The following TMEM132D variants were observed in gnomAD, a reference collection of about 807,000 sequenced individuals.
TMEM132D encodes mature OL transmembrane protein.
In TMEM132D, 21 loss-of-function variants were observed where a neutral mutation model predicts 62.3. The observed-to-expected ratio is 0.34, with a 90% CI of 0.24 to 0.49. The LOEUF (loss-of-function observed/expected upper bound fraction) is 0.49, where lower values mean the gene tolerates loss of function less well. Ranked by LOEUF, TMEM132D falls within the 20% of genes least tolerant of loss-of-function variation. The pLI, the probability that TMEM132D is intolerant of heterozygous loss-of-function variation, is 0.99. For missense variants in TMEM132D, 1,346 were observed against 1,402.8 expected (o/e 0.96, Z 0.65); for synonymous variants, 621 against 575.6 (o/e 1.08, Z -1.13).
chr12:129,242,057 G>A (rs1225759673), intron 4 of TMEM132D, among the ~76,000 whole-genome samples: 2 of 152,184 alleles, frequency 1.3e-5, no homozygotes, highest in African/African-American at 4.8e-5. Flanking sequence ...GGGGCACTTA[G>A]TGGCATTCAT....
chr12:129,517,679 C>T (rs998759808), intron 3 of TMEM132D, among the ~76,000 whole-genome samples: 2 of 152,180 alleles, frequency 1.3e-5, no homozygotes, highest in Non-Finnish European at 2.9e-5. Flanking sequence ...CTTCCCCATG[C>T]AAAATTCAAT....
intron 4 of TMEM132D, among the ~76,000 whole-genome samples, chr12:129,283,145 G>A (rs1373270412): frequency 2.6e-5 from 4 of 152,104 alleles, no homozygotes; most frequent in Non-Finnish European, 5.9e-5. Flanking sequence ...GGGCATTCAG[G>A]AATCAAATAA....
chr12:129,792,968 G>T (rs1282928323), intron 1 of TMEM132D, among the ~76,000 whole-genome samples: 1 of 152,136 alleles, frequency 6.6e-6, no homozygotes, highest in African/African-American at 2.4e-5. Context: ...TTCTTTCTGG[G>T]ATGATACAGA....
At chr12:129,182,289 G>A (rs746274723) in intron 5 of TMEM132D, among the ~76,000 whole-genome samples, 28 of 152,312 alleles carry the variant, frequency 1.8e-4, no homozygotes, top group African/African-American at 6.5e-4. Context: ...GCTTGACCCT[G>A]GGAGGCAGTG....
chr12:129,301,131 A>G (rs1881704134), intron 4 of TMEM132D, among the ~76,000 whole-genome samples: 1 of 152,104 alleles, frequency 6.6e-6, no homozygotes, highest in African/African-American at 2.4e-5. Context: ...TATTTAGTCT[A>G]TCACTGTCCC....
chr12:129,893,070 T>C (rs1874981274), intron 1 of TMEM132D, among the ~76,000 whole-genome samples: 1 of 151,738 alleles, frequency 6.6e-6, no homozygotes. Context: ...AGAGACAGGG[T>C]TTCATCATGT....
chr12:129,821,451 G>A (rs1872539713), intron 1 of TMEM132D, among the ~76,000 whole-genome samples: 1 of 152,098 alleles, frequency 6.6e-6, no homozygotes, highest in South Asian at 2.1e-4. Flanking sequence ...CAGGCCAATG[G>A]AACTACTTTG....
At chr12:129,711,434 G>A (rs1468902809) in intron 1 of TMEM132D, among the ~76,000 whole-genome samples, 1 of 152,120 alleles carries the variant, frequency 6.6e-6, no homozygotes, top group Non-Finnish European at 1.5e-5. Flanking sequence ...TTTAAACATG[G>A]GATTATATAG....
chr12:129,642,920 C>CTTTTTTTT lies in TMEM132D; in HGVS notation c.968+56882_968+56889dup, dbSNP rs71082742. Among the ~76,000 whole-genome samples, 4 of 105,558 alleles carry CTTTTTTTT rather than the reference C, an allele frequency of 3.8e-5. 1 individual carries two copies. The highest frequency in any genetic ancestry group is 3.0e-4 in the East Asian group (1 of 3,352). 69.3% of individuals were successfully genotyped at this position (105,558 alleles called of 152,430 possible). On this transcript the variant is annotated intron_variant, in intron 2 of 8. Coordinates refer to ENST00000422113, the MANE Select transcript of TMEM132D (RefSeq NM_133448.3). ...AGACACAACCAAAGAATTTACAAATCTTTTTTTTTTTTTTTTTTTTTGAGA... is the reference window on the plus strand; with the variant it reads ...AGACACAACCAAAGAATTTACAAATCTTTTTTTTTTTTTTTTTTTTTTTTTTTTTGAGA...
chr12:129,596,665 T>C (rs939712853), intron 2 of TMEM132D, among the ~76,000 whole-genome samples: 1 of 152,226 alleles, frequency 6.6e-6, no homozygotes, highest in Non-Finnish European at 1.5e-5. Flanking sequence ...TTATATTGTA[T>C]AGTTTAGAGA....
At chr12:129,123,277 T>C (rs1447189484) in intron 5 of TMEM132D, among the ~76,000 whole-genome samples, 1 of 152,242 alleles carries the variant, frequency 6.6e-6, no homozygotes, top group Non-Finnish European at 1.5e-5. Context: ...ATATTTTATA[T>C]ATTTTATGAT....
At chr12:129,243,324 A>G (rs1315952257) in intron 4 of TMEM132D, among the ~76,000 whole-genome samples, 1 of 152,190 alleles carries the variant, frequency 6.6e-6, no homozygotes, top group Non-Finnish European at 1.5e-5. Context: ...GTTTGTATCC[A>G]TGAGAATCAG....
chr12:129,843,398 C>T (rs933638218), intron 1 of TMEM132D, among the ~76,000 whole-genome samples: 1 of 152,114 alleles, frequency 6.6e-6, no homozygotes, highest in African/African-American at 2.4e-5. Flanking sequence ...ATTTATGACA[C>T]GATTCCACCC....
At chr12:129,339,013 G>C (rs1869381088) in intron 3 of TMEM132D, among the ~76,000 whole-genome samples, 2 of 152,078 alleles carry the variant, frequency 1.3e-5, no homozygotes, top group Admixed American at 1.3e-4. Flanking sequence ...AATGGAAGGA[G>C]AGAGAGAAGT....
intron 3 of TMEM132D, among the ~76,000 whole-genome samples, chr12:129,358,279 A>G (rs1307093533): frequency 1.3e-5 from 2 of 151,550 alleles, no homozygotes; most frequent in African/African-American, 2.4e-5. Context: ...TCAATCGTTC[A>G]GTCATTCCAA....
intron 4 of TMEM132D, among the ~76,000 whole-genome samples, chr12:129,225,475 G>C (rs967139068): frequency 6.6e-6 from 1 of 152,118 alleles, no homozygotes; most frequent in African/African-American, 2.4e-5. Flanking sequence ...CTTTGGACTC[G>C]GGTGGCCTGT....
At chr12:129,370,647 G>C (rs1870568829) in intron 3 of TMEM132D, among the ~76,000 whole-genome samples, 1 of 152,162 alleles carries the variant, frequency 6.6e-6, no homozygotes, top group African/African-American at 2.4e-5. Flanking sequence ...TTCATTAATG[G>C]ATAAATGGAT....
chr12:129,455,405 C>T (rs1171466566), intron 3 of TMEM132D, among the ~76,000 whole-genome samples: 2 of 152,070 alleles, frequency 1.3e-5, no homozygotes, highest in African/African-American at 2.4e-5. Context: ...GGTTTTGAAC[C>T]AAATGAGATG....
intron 4 of TMEM132D, among the ~76,000 whole-genome samples, 193 bp downstream of exon 4, chr12:129,337,441 G>GCACACACA (rs34583805): frequency 0.045 from 6,703 of 148,182 alleles, 176 homozygotes; most frequent in Middle Eastern, 0.062. Flanking sequence ...ATACACACAC[G>GCACACACA]CACACACACA....
Sources: gnomAD v4.1 joint callset for allele counts (sites outside exome capture counted in the v4.1 genomes callset) on GRCh38, gnomAD v4.1.1 for gene constraint, MANE v1.5 for transcripts, NCBI Gene and HGNC (gene_info 2026-07-23, HGNC 2026-07-21) for gene names.